Variants in GRIN2D observed in about 807,000 individuals in gnomAD.
GRIN2D encodes glutamate receptor ionotropic, NMDA 2D.
Under a neutral mutation model 103.2 loss-of-function variants are expected in GRIN2D, and 37 were observed. The observed-to-expected ratio is 0.36, with a 90% confidence interval of 0.28 to 0.47. The LOEUF is 0.47. Ranked by LOEUF, GRIN2D falls within the 20% of genes least tolerant of loss-of-function variation. The pLI is 1.00. For synonymous variants in GRIN2D, 845 were observed against 885.6 expected (o/e 0.95, Z 0.81); for missense variants, 1,557 against 1,910.6 (o/e 0.81, Z 3.45).
chr19:48,397,030 G>T (rs1478386370), intron 2 of GRIN2D, among the ~76,000 whole-genome samples: 1 of 152,146 alleles, frequency 6.6e-6, no homozygotes, highest in Non-Finnish European at 1.5e-5. Context: ...AGGGGGCACA[G>T]GAAGAGAGGC....
At position 48,441,765 on chromosome 19, in the gene GRIN2D, C is replaced by G. The variant is rs201567336; in HGVS notation, c.2253-4C>G. The G allele has an allele frequency of 2.5e-6, 4 of 1,607,186 alleles. No individual in the cohort carries two copies. In the South Asian group the frequency reaches 3.3e-5, roughly 13 times the overall value. ...ACCCTACCCTCCATTCCCCCTCCCC[C>G]CAGGAAGCTGGACGCCTTCATCTAC... On this transcript the variant is annotated splice_region_variant and splice_polypyrimidine_tract_variant and intron_variant, in intron 11 of 13. Coordinates refer to ENST00000263269, the MANE Select transcript of GRIN2D (RefSeq NM_000836.4).
chr19:48,434,234 G>C (rs1368660365), intron 11 of GRIN2D, among the ~76,000 whole-genome samples: 1 of 150,922 alleles, frequency 6.6e-6, no homozygotes, highest in Non-Finnish European at 1.5e-5. Context: ...ACAGGCACAA[G>C]CCACCGCGCC....
intron 2 of GRIN2D, among the ~76,000 whole-genome samples, chr19:48,397,201 G>T (rs1257152827): frequency 1.3e-5 from 2 of 152,112 alleles, no homozygotes; most frequent in Non-Finnish European, 2.9e-5. Flanking sequence ...GGACTAAGGG[G>T]ACAAAATGGG....
intron 11 of GRIN2D, among the ~76,000 whole-genome samples, chr19:48,424,827 G>A (rs1165459482): frequency 2.0e-5 from 3 of 152,074 alleles, no homozygotes; most frequent in Non-Finnish European, 2.9e-5. Flanking sequence ...AAGTTTCCTA[G>A]TCAACATAAT....
chr19:48,443,775 T>C lies in GRIN2D; in HGVS notation c.3849T>C (p.Pro1283=). The change falls in exon 14 of 14, where the codon CCT becomes CCC. Residue 1283 remains proline, a synonymous_variant. Transcript: ENST00000263269. This position sits in a 1 kb window ranked among gnomAD's most constrained non-coding sequence, Gnocchi z 8.9. ...TCAGCTCGTGCCCTCGCGCCGCCCC[T>C]GCGCGCAGGCTTACCGGGCCCTCCC... ...EDLSSCPRAA[P]ARRLTGPSRH... 1.4e-6 allele frequency: 2 copies of C among 1,441,876 alleles called. No homozygotes were observed. The highest frequency in any genetic ancestry group is 1.8e-6 in the Non-Finnish European group (2 of 1,104,968). The allele number at this position is 1,441,876 out of a possible 1,614,324, so 89.3% of individuals were successfully genotyped here.
chr19:48,437,865 T>C (rs1224578647), intron 11 of GRIN2D, among the ~76,000 whole-genome samples: 4 of 151,900 alleles, frequency 2.6e-5, no homozygotes, highest in African/African-American at 9.7e-5. Context: ...TATACTTATA[T>C]TCCAGATGTC....
intron 2 of GRIN2D, among the ~76,000 whole-genome samples, chr19:48,395,260 A>AC (rs530325167): frequency 7.4e-6 from 1 of 134,236 alleles, no homozygotes; most frequent in African/African-American, 2.8e-5. Context: ...TTCTCCCTGT[A>AC]CCCCCCTCCC....
chr19:48,419,411 CAG>C (rs765910032), intron 9 of GRIN2D, 52 bp downstream of exon 9: 2 of 1,567,650 alleles, frequency 1.3e-6, no homozygotes, highest in Non-Finnish European at 1.7e-6. Context: ...ACCACAGAGA[CAG>C]AGAACTACAT....
At chr19:48,425,540 C>T (rs1013860906) in intron 11 of GRIN2D, among the ~76,000 whole-genome samples, 3 of 152,178 alleles carry the variant, frequency 2.0e-5, no homozygotes, top group African/African-American at 7.2e-5. Context: ...CCGTATCCAG[C>T]GGATGGCACT....
Position 48,442,050 on chromosome 19 carries a change from G to A in GRIN2D, c.2440+94G>A. ...AAGGGACAAAGACCCGGACACCAGG[G>A]TCTGAGGGAGGAAGGGGCTAAGGGC... is the stretch of plus-strand genomic sequence containing the variant. On this transcript the variant is annotated intron_variant, in intron 12 of 13. Coordinates refer to ENST00000263269, the MANE Select transcript of GRIN2D (RefSeq NM_000836.4). This position sits in a 1 kb window ranked among gnomAD's most constrained non-coding sequence, Gnocchi z 7.2. 2 of 1,507,892 alleles carry A rather than the reference G, an allele frequency of 1.3e-6. No individual in the cohort carries two copies. Among genetic ancestry groups the A allele is most frequent in the South Asian group, 1.2e-5 (1 of 85,258 alleles). 93.4% of individuals were successfully genotyped at this position (1,507,892 alleles called of 1,614,324 possible). A position where few individuals can be genotyped will look rare whatever the true frequency, so the allele number is the denominator to read the frequency against.
chr19:48,418,566 A>G (rs1439485645), intron 8 of GRIN2D, among the ~76,000 whole-genome samples: 1 of 152,022 alleles, frequency 6.6e-6, no homozygotes, highest in Non-Finnish European at 1.5e-5. Context: ...ATGAGGCCTG[A>G]GCCCTGTTGG....
rs954420088 is a variant in GRIN2D at position 48,443,986 on chromosome 19, C to G, written c.*49C>G. The G allele has an allele frequency of 8.1e-5, 100 of 1,236,236 alleles. No homozygotes were observed. The highest frequency in any genetic ancestry group is 9.7e-5 in the Non-Finnish European group (93 of 955,120). 76.6% of individuals were successfully genotyped at this position (1,236,236 alleles called of 1,614,324 possible). ...CCCCTTGGTCAGCGCAGGCCACGGC[C>G]CGAGGGGGCGCCCGCAGTGGACAGG... On this transcript the variant is annotated 3_prime_UTR_variant, in exon 14 of 14. Coordinates refer to ENST00000263269, the MANE Select transcript of GRIN2D (RefSeq NM_000836.4). This position sits in a 1 kb window ranked among gnomAD's most constrained non-coding sequence, Gnocchi z 8.9.
intron 4 of GRIN2D, among the ~76,000 whole-genome samples, chr19:48,411,803 A>G (rs1338131875): frequency 7.0e-6 from 1 of 142,648 alleles, no homozygotes. Context: ...GTTGATAGAG[A>G]AAAAAAAAAA....
At chr19:48,400,580 T>C (rs1284900714) in intron 3 of GRIN2D, among the ~76,000 whole-genome samples, 1 of 152,204 alleles carries the variant, frequency 6.6e-6, no homozygotes, top group Non-Finnish European at 1.5e-5. Context: ...TCTGTTTCAT[T>C]GTCCGCTGGG....
intron 4 of GRIN2D, among the ~76,000 whole-genome samples, chr19:48,409,572 T>A (rs1970830776): frequency 6.6e-6 from 1 of 151,458 alleles, no homozygotes; most frequent in Non-Finnish European, 1.5e-5. Context: ...CCACTGCACC[T>A]GGCCGTAAAT....
Position 48,415,362 on chromosome 19 carries a change from T to C in GRIN2D, c.1581+330T>C, listed in dbSNP as rs145016348. ...CTCCAGCCTGGGCACAGAGTGAGAC[T>C]CAGTCTCAAAAAATAATAATAAAAA... On this transcript the variant is annotated intron_variant, in intron 7 of 13. Transcript: ENST00000263269. 1.4e-3 allele frequency among the ~76,000 whole-genome samples: 206 copies of C among 151,024 alleles called. 1 individual carries two copies. The highest frequency in any genetic ancestry group is 4.9e-3 in the African/African-American group (200 of 41,072).
chr19:48,413,022 G>T (rs1970894720), intron 4 of GRIN2D, among the ~76,000 whole-genome samples: 1 of 139,718 alleles, frequency 7.2e-6, no homozygotes, highest in East Asian at 2.1e-4. Context: ...TGCAATCCCA[G>T]CTACTCAGGA....
At chr19:48,429,971 T>C (rs1971136023) in intron 11 of GRIN2D, among the ~76,000 whole-genome samples, 1 of 152,186 alleles carries the variant, frequency 6.6e-6, no homozygotes, top group Non-Finnish European at 1.5e-5. Flanking sequence ...TATCTCTAAA[T>C]ACCATGTTTG....
chr19:48,399,172 G>A (rs1028548890), intron 3 of GRIN2D, among the ~76,000 whole-genome samples: 21 of 152,150 alleles, frequency 1.4e-4, no homozygotes, highest in African/African-American at 4.8e-4. Context: ...AAGGCGAGTC[G>A]AGGGAAGGGT....
Sources: gnomAD v4.1 joint callset for allele counts (sites outside exome capture counted in the v4.1 genomes callset) on GRCh38, gnomAD v4.1.1 for gene constraint, Gnocchi (gnomAD v3.1) non-coding constraint, MANE v1.5 for transcripts, NCBI Gene and HGNC (gene_info 2026-07-23, HGNC 2026-07-21) for gene names.